Variants in MIER2 observed in about 807,000 individuals in gnomAD.
MIER2 encodes the protein MIER family member 2, also known as mesoderm induction early response protein 2.
A neutral mutation model predicts 67.6 loss-of-function variants in MIER2; 30 were observed. The ratio of observed to expected loss-of-function variants is 0.44; its 90% CI spans 0.33 to 0.60. The LOEUF (loss-of-function observed/expected upper bound fraction) is 0.60, where lower values mean the gene tolerates loss of function less well. MIER2 is among the 20% of genes least tolerant of loss of function. The probability of loss-of-function intolerance (pLI) is 0.02; values close to 1 mark genes in which losing one functional copy is unlikely to be tolerated. For missense variants in MIER2, 702 were observed against 745.1 expected, an observed-to-expected ratio of 0.94 and a Z score of 0.67; for synonymous variants, 372 against 312.6, an observed-to-expected ratio of 1.19 and a Z score of -2.00.
chr19:330,555 G>GAA (rs560773666), intron 3 of MIER2, among the ~76,000 whole-genome samples: 25 of 73,854 alleles, frequency 3.4e-4, no homozygotes, highest in Admixed American at 6.1e-4. Flanking sequence ...TCAAAAAAAA[G>GAA]AAAAAAAAAA....
At chr19:330,893 C>A (rs1971993457) in intron 3 of MIER2, among the ~76,000 whole-genome samples, 1 of 152,216 alleles carries the variant, frequency 6.6e-6, no homozygotes, top group South Asian at 2.1e-4. Context: ...CACTCCACAA[C>A]TACTCTCTAC....
chr19:327,859 CTTACT>C lies in MIER2; in HGVS notation c.369_369+4del, dbSNP rs1971831111. The stretch of plus-strand genomic sequence containing the variant: ...GAGCCAGTTCCAGGAAGGGCCCTCA[CTTACT>C]TTGTCCAGGGTCATGTCTGGGAGGT... On this transcript the variant is annotated splice_donor_variant and splice_donor_region_variant and coding_sequence_variant and intron_variant, in exon 4 of 14. Transcript: ENST00000264819. LOFTEE classifies it high-confidence loss of function. The C allele has an allele frequency of 6.2e-7, 1 of 1,610,942 alleles. No homozygotes were observed. The highest frequency in any genetic ancestry group is 1.3e-5 in the African/African-American group (1 of 74,620).
In MIER2 at chr19:308,176, G is replaced by A. The variant is rs1456322902; in HGVS notation, c.1198+401C>T. ...CCGAGGCCCTGCTGTGCTCCGTCATGGCCTCAGGTGCAAGATCCTGGCGAC... is the reference window on the plus strand; with the variant it reads ...CCGAGGCCCTGCTGTGCTCCGTCATAGCCTCAGGTGCAAGATCCTGGCGAC... On this transcript the variant is annotated intron_variant, in intron 12 of 13. Transcript: ENST00000264819. This position sits in a 1 kb window ranked among gnomAD's most constrained non-coding sequence, Gnocchi z 9.1. 6.6e-6 allele frequency among the ~76,000 whole-genome samples: 1 copy of A among 152,190 alleles called. No individual in the cohort carries two copies. Among genetic ancestry groups the A allele is most frequent in the East Asian group, 1.9e-4 (1 of 5,192 alleles).
At chr19:316,895 G>A (rs1318236393) in intron 7 of MIER2, among the ~76,000 whole-genome samples, 1 of 150,720 alleles carries the variant, frequency 6.6e-6, no homozygotes, top group Admixed American at 6.6e-5. Flanking sequence ...CTTGAGCCCA[G>A]GAGGCGGAGG....
At chr19:338,922 T>C (rs930661605) in intron 1 of MIER2, among the ~76,000 whole-genome samples, 5 of 152,010 alleles carry the variant, frequency 3.3e-5, no homozygotes, top group Admixed American at 3.3e-4. Flanking sequence ...ATCAAAGGCC[T>C]TAAATATAAG....
At chr19:324,359 C>G (rs551707582) in intron 7 of MIER2, among the ~76,000 whole-genome samples, 1 of 138,416 alleles carries the variant, frequency 7.2e-6, no homozygotes, top group Non-Finnish European at 1.5e-5. Flanking sequence ...ATGCAATACA[C>G]AGGACACACA....
intron 1 of MIER2, 44 bp from the exon 2 acceptor site, chr19:336,217 C>G: frequency 6.5e-7 from 1 of 1,527,090 alleles, no homozygotes; most frequent in Non-Finnish European, 9.0e-7. Flanking sequence ...GGCCCAAAAC[C>G]TGCTGCTGGA....
intron 7 of MIER2, among the ~76,000 whole-genome samples, chr19:321,978 C>T (rs1971523693): frequency 1.3e-5 from 2 of 152,162 alleles, no homozygotes; most frequent in Admixed American, 6.5e-5. Flanking sequence ...GATCTCGGCT[C>T]ACTGCAAGCT....
Position 335,933 on chromosome 19 carries a change from G to A in MIER2, c.100+150C>T, listed in dbSNP as rs544974799. Reference sequence around the variant, plus strand: ...GGAGTCCTGACCACTCTGCCCCACAGCTCCATCTGAACGGGTGGGAGCTGG... The same window carrying A: ...GGAGTCCTGACCACTCTGCCCCACAACTCCATCTGAACGGGTGGGAGCTGG... On this transcript the variant is annotated intron_variant, in intron 2 of 13. Coordinates refer to ENST00000264819, the MANE Select transcript of MIER2 (RefSeq NM_017550.3). The A allele has an allele frequency of 1.2e-5, 9 of 729,684 alleles. No homozygotes were observed. In the African/African-American group the frequency reaches 1.4e-4, roughly 11 times the overall value. The allele number at this position is 729,684 out of a possible 1,614,324, so 45.2% of individuals were successfully genotyped here.
At chr19:311,202 G>C (rs1199866567) in intron 10 of MIER2, among the ~76,000 whole-genome samples, 2 of 152,256 alleles carry the variant, frequency 1.3e-5, no homozygotes, top group African/African-American at 4.8e-5. Flanking sequence ...ACCGGGGCGT[G>C]GACAGAGGCG....
Position 313,486 on chromosome 19 carries a change from C to T in MIER2, c.807+6G>A. 2.5e-6 allele frequency: 4 copies of T among 1,610,194 alleles called. No individual in the cohort carries two copies. Among genetic ancestry groups the T allele is most frequent in the Middle Eastern group, 1.7e-4 (1 of 6,036 alleles). ...GCCCCTCTGTCCCCGGCATGGCAGC[C>T]CCCACCTGCTCACTGTCTTTCACGG... On this transcript the variant is annotated splice_donor_region_variant and intron_variant, in intron 8 of 13. Transcript: ENST00000264819.
chr19:341,762 A>G (rs568639122), intron 1 of MIER2, among the ~76,000 whole-genome samples: 10 of 152,178 alleles, frequency 6.6e-5, no homozygotes, highest in Non-Finnish European at 1.5e-4. Flanking sequence ...CCAGGCAACA[A>G]AAAAAGCAAA....
At chr19:341,339 G>A (rs1218596113) in intron 1 of MIER2, among the ~76,000 whole-genome samples, 2 of 152,182 alleles carry the variant, frequency 1.3e-5, no homozygotes, top group Non-Finnish European at 2.9e-5. Context: ...GTTAACATAT[G>A]GCCCCAGGAG....
At chr19:335,370 C>G (rs1163799019) in intron 2 of MIER2, among the ~76,000 whole-genome samples, 4 of 152,236 alleles carry the variant, frequency 2.6e-5, no homozygotes, top group Non-Finnish European at 5.9e-5. Flanking sequence ...CAGAGGACCC[C>G]CAGCGGCAGG....
rs1970666585 is a variant in MIER2 at position 306,697 on chromosome 19, G to C, written c.1631C>G (p.Thr544Ser). The change falls in exon 14 of 14, where the codon ACC becomes AGC. Residue 544 changes from threonine (T) to serine (S), a missense_variant. This residue lies in a region of MIER2 where 254 missense variants were observed against 262.8 expected (regional missense o/e 0.97). Coordinates refer to ENST00000264819, the MANE Select transcript of MIER2 (RefSeq NM_017550.3). ...GCCGCCCGCGGCCAGGAGTCAGCAG[G>C]TCATCACGTTACAGCTGCAGGGGAG... Reference protein sequence around the residue: ...SEPLSHCNVMTC With the variant: ...SEPLSHCNVMSC 5.8e-6 allele frequency: 9 copies of C among 1,560,734 alleles called. No individual in the cohort carries two copies. The highest frequency in any genetic ancestry group is 7.8e-6 in the Non-Finnish European group (9 of 1,152,420).
In MIER2 at chr19:306,216, G is replaced by A. The variant is rs541296640; in HGVS notation, c.*474C>T. ...ACGACCCCCAGGGCTGGGGCAGCCCGCGGCCCTGCCGGGTGTGGAGAGACA... is the reference window on the plus strand; with the variant it reads ...ACGACCCCCAGGGCTGGGGCAGCCCACGGCCCTGCCGGGTGTGGAGAGACA... On this transcript the variant is annotated 3_prime_UTR_variant, in exon 14 of 14. Transcript: ENST00000264819. 5.1e-4 allele frequency: 92 copies of A among 178,740 alleles called. 1 individual carries two copies. The Middle Eastern group carries it at 9.1e-3, about 18-fold the overall frequency. The allele number at this position is 178,740 out of a possible 1,614,324, so 11.1% of individuals were successfully genotyped here.
chr19:323,545 TACAC>T (rs1403009274), intron 7 of MIER2, among the ~76,000 whole-genome samples: 3 of 142,638 alleles, frequency 2.1e-5, no homozygotes, highest in Non-Finnish European at 3.0e-5. Flanking sequence ...CACAATGCAA[TACAC>T]ACACAACCAT....
At chr19:335,138 C>T (rs1050091371) in intron 2 of MIER2, among the ~76,000 whole-genome samples, 1 of 152,262 alleles carries the variant, frequency 6.6e-6, no homozygotes, top group African/African-American at 2.4e-5. Context: ...GTCACCATTC[C>T]TCTGCATGTT....
chr19:312,383 G>A (rs1450793079), intron 8 of MIER2, 111 bp from the exon 9 acceptor site: 41 of 1,036,540 alleles, frequency 4.0e-5, no homozygotes, highest in Non-Finnish European at 5.5e-5. Flanking sequence ...CCACCCTCCT[G>A]GGCGATGTCA....
Sources: gnomAD v4.1 joint callset for allele counts (sites outside exome capture counted in the v4.1 genomes callset) on GRCh38, gnomAD v4.1.1 for gene constraint, gnomAD v4.1.1 regional missense constraint, Gnocchi (gnomAD v3.1) non-coding constraint, MANE v1.5 for transcripts, NCBI Gene and HGNC (gene_info 2026-07-23, HGNC 2026-07-21) for gene names.